CALN1: variants seen among roughly 807,000 people sequenced by gnomAD.
CALN1 encodes calcium-binding protein 8.
CALN1 carries 17 observed loss-of-function variants against 30.6 expected under a neutral mutation model. That is an observed-to-expected ratio of 0.56 (90% CI 0.38 to 0.83). The LOEUF is 0.83. Among genes scored for constraint, CALN1 ranks in the 40% least tolerant of loss-of-function variants. The pLI is 0.00. For synonymous variants in CALN1, 156 were observed against 131.4 expected (o/e 1.19, Z -1.28); for missense variants, 291 against 354.9 (o/e 0.82, Z 1.45).
intron 2 of CALN1, among the ~76,000 whole-genome samples, chr7:72,376,822 A>G (rs957419005): frequency 1.3e-5 from 2 of 152,178 alleles, no homozygotes; most frequent in Non-Finnish European, 2.9e-5. Context: ...CCCTCTAACA[A>G]TTGTAACTTT....
chr7:71,795,887 C>T (rs1198339159), intron 6 of CALN1, among the ~76,000 whole-genome samples: 6 of 144,664 alleles, frequency 4.1e-5, no homozygotes, highest in Non-Finnish European at 6.0e-5. Flanking sequence ...GGCACCATCT[C>T]GGCTCACTGC....
At chr7:71,978,296 G>A (rs78386559) in intron 5 of CALN1, among the ~76,000 whole-genome samples, 1 of 118,766 alleles carries the variant, frequency 8.4e-6, no homozygotes, top group South Asian at 2.8e-4. Flanking sequence ...TTTTGAGGGG[G>A]AGTCTTGCTC....
chr7:71,955,674 G>A (rs1232932175), intron 5 of CALN1, among the ~76,000 whole-genome samples: 3 of 151,982 alleles, frequency 2.0e-5, no homozygotes, highest in Non-Finnish European at 4.4e-5. Context: ...AGGTAATATA[G>A]GGTACAGATC....
chr7:72,423,527 C>A (rs143269490), intron 1 of CALN1, among the ~76,000 whole-genome samples: 1 of 152,338 alleles, frequency 6.6e-6, no homozygotes, highest in African/African-American at 2.4e-5. Flanking sequence ...CCCAGAGATA[C>A]CAGCCCTGGG....
At chr7:71,889,966 GAAA>G (rs66707559) in intron 5 of CALN1, among the ~76,000 whole-genome samples, 3 of 128,406 alleles carry the variant, frequency 2.3e-5, no homozygotes, top group Non-Finnish European at 1.7e-5. Flanking sequence ...CTCTGTCTCG[GAAA>G]AAAAAAAAAA....
chr7:71,981,773 G>A (rs1562954202), intron 5 of CALN1, among the ~76,000 whole-genome samples: 2 of 152,074 alleles, frequency 1.3e-5, no homozygotes, highest in African/African-American at 4.8e-5. Context: ...CTCTCTCTAG[G>A]TAGATAGTGT....
At chr7:72,354,879 G>C (rs976340411) in intron 2 of CALN1, among the ~76,000 whole-genome samples, 2 of 150,582 alleles carry the variant, frequency 1.3e-5, no homozygotes, top group African/African-American at 4.9e-5. Context: ...ACTTGAGTAA[G>C]CAAAAATTTC....
rs139463716 is a variant in CALN1 at position 71,857,521 on chromosome 7, G to A, written c.502-47029C>T. On this transcript the variant is annotated intron_variant, in intron 5 of 6. Transcript: ENST00000395275. The stretch of plus-strand genomic sequence containing the variant: ...GATTGCTCCTTTAGAAAATCATCAG[G>A]GGAGATTTACCCACATCCATCCTTC... 1.5e-3 allele frequency among the ~76,000 whole-genome samples: 222 copies of A among 152,112 alleles called. 1 individual carries two copies. The highest frequency in any genetic ancestry group is 5.2e-3 in the African/African-American group (215 of 41,514).
intron 5 of CALN1, among the ~76,000 whole-genome samples, chr7:71,844,840 T>C (rs1790135886): frequency 6.6e-6 from 1 of 152,202 alleles, no homozygotes; most frequent in Admixed American, 6.5e-5. Flanking sequence ...ATGTTTTAAA[T>C]TGGAAACAAC....
chr7:72,037,219 C>T (rs1289025697), intron 4 of CALN1, among the ~76,000 whole-genome samples: 5 of 152,208 alleles, frequency 3.3e-5, no homozygotes, highest in Non-Finnish European at 7.4e-5. Context: ...GGCGCAATCT[C>T]GGCTCACTGC....
At chr7:72,379,523 C>T (rs781579309) in intron 2 of CALN1, among the ~76,000 whole-genome samples, 13 of 152,198 alleles carry the variant, frequency 8.5e-5, no homozygotes, top group Non-Finnish European at 1.8e-4. Flanking sequence ...TTCATTATGT[C>T]GTTTCAAAAT....
upstream of CALN1, among the ~76,000 whole-genome samples, chr7:72,450,579 A>G (rs919036888): frequency 2.0e-5 from 3 of 152,124 alleles, no homozygotes; most frequent in Non-Finnish European, 4.4e-5. Flanking sequence ...CTGCTTTTTC[A>G]TTAACAAAAT....
intron 3 of CALN1, among the ~76,000 whole-genome samples, chr7:72,204,633 T>C (rs552078280): frequency 2.0e-5 from 3 of 152,330 alleles, no homozygotes; most frequent in South Asian, 4.1e-4. Context: ...AATTAAACAA[T>C]CTGTGCCTGT....
chr7:71,820,407 T>A (rs1418567410), intron 5 of CALN1, among the ~76,000 whole-genome samples: 1 of 152,240 alleles, frequency 6.6e-6, no homozygotes, highest in Non-Finnish European at 1.5e-5. Flanking sequence ...TGGGCACATG[T>A]TCTCAGGACC....
chr7:71,819,740 A>T (rs371315054), intron 5 of CALN1, among the ~76,000 whole-genome samples: 14 of 152,138 alleles, frequency 9.2e-5, no homozygotes, highest in African/African-American at 3.4e-4. Flanking sequence ...TGTTAAGTGG[A>T]ATCATATGAT....
At chr7:71,994,954 G>A (rs1257882473) in intron 5 of CALN1, among the ~76,000 whole-genome samples, 3 of 150,230 alleles carry the variant, frequency 2.0e-5, no homozygotes, top group Admixed American at 1.3e-4. Context: ...CCAGGTTCAC[G>A]CCATTCTCCT....
At chr7:71,946,160 C>T (rs1796396221) in intron 5 of CALN1, among the ~76,000 whole-genome samples, 1 of 152,042 alleles carries the variant, frequency 6.6e-6, no homozygotes, top group Admixed American at 6.6e-5. Flanking sequence ...AGATGTTGGG[C>T]TCATTTTGTT....
intron 3 of CALN1, among the ~76,000 whole-genome samples, chr7:72,248,325 G>A (rs542138081): frequency 4.1e-4 from 62 of 152,114 alleles, no homozygotes; most frequent in African/African-American, 1.4e-3. Context: ...ATATAGGCCC[G>A]GCTGGTCTAG....
At chr7:72,122,450 C>T (rs1207656468) in intron 3 of CALN1, among the ~76,000 whole-genome samples, 1 of 152,112 alleles carries the variant, frequency 6.6e-6, no homozygotes, top group Admixed American at 6.5e-5. Flanking sequence ...CAAGAAGCTA[C>T]ATTTGGCTGG....
Sources: allele counts gnomAD v4.1 joint callset (sites outside exome capture counted in the v4.1 genomes callset), GRCh38; gene constraint gnomAD v4.1.1; transcripts MANE v1.5; gene names NCBI Gene and HGNC (gene_info 2026-07-23, HGNC 2026-07-21).